The following TESMIN variants were observed in gnomAD, a reference collection of about 807,000 sequenced individuals.
TESMIN encodes CXC domain containing 2.
TESMIN carries 34 observed loss-of-function variants against 47.4 expected under a neutral mutation model. That is an observed-to-expected ratio of 0.72 (90% CI 0.55 to 0.96). The LOEUF (loss-of-function observed/expected upper bound fraction) is 0.96, where lower values mean the gene tolerates loss of function less well. Among genes scored for constraint, TESMIN ranks in the 40% least tolerant of loss-of-function variants. The pLI, the probability that TESMIN is intolerant of heterozygous loss-of-function variation, is 0.00. For synonymous variants in TESMIN, 278 were observed against 258.9 expected (o/e 1.07, Z -0.71); for missense variants, 610 against 637.2 (o/e 0.96, Z 0.46).
At chr11:68,714,079 A>G (rs1594285525) in intron 7 of TESMIN, among the ~76,000 whole-genome samples, 1 of 152,244 alleles carries the variant, frequency 6.6e-6, no homozygotes, top group South Asian at 2.1e-4. Flanking sequence ...ACACAAATAC[A>G]TACATATCTT....
At position 68,738,804 on chromosome 11, in the gene TESMIN, G is replaced by T; in HGVS notation, c.829-16C>A. The stretch of plus-strand genomic sequence containing the variant: ...CTCCCTCAAGCTGTTCAAAGTCAAA[G>T]GCAAGGATATTTTGAATTAGCAAGG... On this transcript the variant is annotated splice_polypyrimidine_tract_variant and intron_variant, in intron 5 of 9. Coordinates refer to ENST00000255087, the MANE Select transcript of TESMIN (RefSeq NM_004923.3). 6.3e-7 allele frequency: 1 copy of T among 1,597,832 alleles called. No homozygotes were observed.
In TESMIN at chr11:68,715,797, A is replaced by G. The variant is rs1203056825; in HGVS notation, c.1020+40T>C. 7 of 1,390,568 alleles carry G rather than the reference A, an allele frequency of 5.0e-6. No individual in the cohort carries two copies. The Admixed American group carries it at 1.2e-4, about 24-fold the overall frequency. 86.1% of individuals were successfully genotyped at this position (1,390,568 alleles called of 1,614,324 possible). A position where few individuals can be genotyped will look rare whatever the true frequency, so the allele number is the denominator to read the frequency against. ...TTTATGAACATCTCAAACAGTTTGA[A>G]ATGCTTTTAAAATGCATACATTTAA... On this transcript the variant is annotated intron_variant, in intron 7 of 9. Coordinates refer to ENST00000255087, the MANE Select transcript of TESMIN (RefSeq NM_004923.3).
chr11:68,722,707 A>G (rs1257758740), intron 6 of TESMIN, among the ~76,000 whole-genome samples: 1 of 152,224 alleles, frequency 6.6e-6, no homozygotes, highest in Non-Finnish European at 1.5e-5. Context: ...GCAAAACTAA[A>G]GGAATGTTAT....
At chr11:68,709,428 T>C (rs1186453902) in intron 9 of TESMIN, among the ~76,000 whole-genome samples, 2 of 152,170 alleles carry the variant, frequency 1.3e-5, no homozygotes, top group Non-Finnish European at 2.9e-5. Context: ...GGTCCTGCTG[T>C]CAGGACAGCC....
intron 6 of TESMIN, chr11:68,737,322 C>A: frequency 4.1e-6 from 4 of 985,524 alleles, no homozygotes; most frequent in Non-Finnish European, 4.8e-6. Flanking sequence ...CACAGAATTA[C>A]AACAGCTGAA....
intron 6 of TESMIN, among the ~76,000 whole-genome samples, chr11:68,725,887 T>C (rs1288531368): frequency 6.6e-6 from 1 of 152,194 alleles, no homozygotes; most frequent in East Asian, 1.9e-4. Flanking sequence ...GATGGCTACT[T>C]GAGCTGGTAA....
At chr11:68,751,137 T>A (rs1594307265) in intron 1 of TESMIN, among the ~76,000 whole-genome samples, 1 of 22,500 alleles carries the variant, frequency 4.4e-5, no homozygotes, top group South Asian at 2.8e-3. Context: ...GGCGACCAGG[T>A]AAGGGGCGGC....
At chr11:68,705,755 G>A (rs1185518250), downstream of TESMIN, among the ~76,000 whole-genome samples, 1 of 152,200 alleles carries the variant, frequency 6.6e-6, no homozygotes, top group Non-Finnish European at 1.5e-5. Context: ...GGGCGCGGTG[G>A]CTCACGCCTG....
At chr11:68,717,861 A>G (rs1038650677) in intron 6 of TESMIN, among the ~76,000 whole-genome samples, 1 of 152,154 alleles carries the variant, frequency 6.6e-6, no homozygotes, top group Non-Finnish European at 1.5e-5. Context: ...GGCGTGGGAT[A>G]TGATAATGAA....
At chr11:68,712,899 T>C (rs1446816767) in intron 8 of TESMIN, among the ~76,000 whole-genome samples, 1 of 151,998 alleles carries the variant, frequency 6.6e-6, no homozygotes, top group African/African-American at 2.4e-5. Flanking sequence ...CTAGAGCACC[T>C]GGGCTTTGCT....
chr11:68,715,118 T>C (rs544356888), intron 7 of TESMIN, among the ~76,000 whole-genome samples: 2 of 152,206 alleles, frequency 1.3e-5, no homozygotes, highest in South Asian at 4.1e-4. Flanking sequence ...TGTGTTCTAT[T>C]TGCACAGGAC....
chr11:68,709,977 G>A (rs1201601041), intron 9 of TESMIN, among the ~76,000 whole-genome samples: 8 of 152,166 alleles, frequency 5.3e-5, no homozygotes, highest in African/African-American at 1.7e-4. Flanking sequence ...GACCAATATG[G>A]CGAGACCCCA....
chr11:68,751,315 G>A (rs899462574), intron 1 of TESMIN, 105 bp downstream of exon 1: 51 of 152,964 alleles, frequency 3.3e-4, no homozygotes, highest in Non-Finnish European at 6.1e-4. Flanking sequence ...GCCGCCCTCC[G>A]CCCACCCGCA....
chr11:68,706,105 T>C (rs1156412148), downstream of TESMIN, among the ~76,000 whole-genome samples: 1 of 151,916 alleles, frequency 6.6e-6, no homozygotes, highest in Non-Finnish European at 1.5e-5. Flanking sequence ...TTAATTTGTA[T>C]ATCGTTTTAA....
chr11:68,706,088 T>A (rs1566308633), downstream of TESMIN, among the ~76,000 whole-genome samples: 1 of 151,024 alleles, frequency 6.6e-6, no homozygotes, highest in Non-Finnish European at 1.5e-5. Context: ...AATAAGAACA[T>A]GATATGTTAA....
Position 68,742,406 on chromosome 11 carries a change from A to T in TESMIN, c.752-12T>A, listed in dbSNP as rs1389041842. Reference sequence around the variant, plus strand: ...TGGTTTAGGGACATCTGTAAGGAAGATAATTAAAAATTAATTGTAGCATCT... The same window carrying T: ...TGGTTTAGGGACATCTGTAAGGAAGTTAATTAAAAATTAATTGTAGCATCT... On this transcript the variant is annotated splice_polypyrimidine_tract_variant and intron_variant, in intron 4 of 9. Transcript: ENST00000255087. The T allele has an allele frequency of 5.2e-6, 8 of 1,528,244 alleles. No individual in the cohort carries two copies. The highest frequency in any genetic ancestry group is 7.1e-6 in the Non-Finnish European group (8 of 1,119,282). The allele number at this position is 1,528,244 out of a possible 1,614,324, so 94.7% of individuals were successfully genotyped here. A position where few individuals can be genotyped will look rare whatever the true frequency, so the allele number is the denominator to read the frequency against.
In TESMIN at chr11:68,711,066, C is replaced by T. The variant is rs975842870; in HGVS notation, c.1159-17G>A. The T allele has an allele frequency of 1.3e-6, 2 of 1,576,182 alleles. No homozygotes were observed. The highest frequency in any genetic ancestry group is 1.4e-5 in the African/African-American group (1 of 72,990). On this transcript the variant is annotated splice_polypyrimidine_tract_variant and intron_variant, in intron 8 of 9. Transcript: ENST00000255087. Reference sequence around the variant, plus strand: ...AATTTGGGCCTGGTAATATAAAATGCTTCAATAAAATTAGGTTGTCTCACA... The same window carrying T: ...AATTTGGGCCTGGTAATATAAAATGTTTCAATAAAATTAGGTTGTCTCACA...
intron 6 of TESMIN, among the ~76,000 whole-genome samples, chr11:68,722,041 C>G (rs1285662791): frequency 1.3e-5 from 2 of 152,132 alleles, no homozygotes; most frequent in African/African-American, 4.8e-5. Flanking sequence ...ATTGCAGCAT[C>G]AGGGTAAACA....
intron 6 of TESMIN, chr11:68,736,805 G>A: frequency 3.1e-6 from 3 of 975,382 alleles, no homozygotes; most frequent in Non-Finnish European, 3.7e-6. Flanking sequence ...GGAGGAGGAG[G>A]GGACGAGAAG....
Sources: allele counts gnomAD v4.1 joint callset (sites outside exome capture counted in the v4.1 genomes callset), GRCh38; gene constraint gnomAD v4.1.1; transcripts MANE v1.5; gene names NCBI Gene and HGNC (gene_info 2026-07-23, HGNC 2026-07-21).